Variants in TBL1XR1 observed in about 807,000 individuals in gnomAD.
TBL1XR1 encodes the protein TBL1X/Y related 1, also known as F-box-like/WD repeat-containing protein TBL1XR1.
In TBL1XR1, 5 loss-of-function variants were observed where a neutral mutation model predicts 66.9. That is an observed-to-expected ratio of 0.07 (90% CI 0.04 to 0.16). The LOEUF is 0.16. Ranked by LOEUF, TBL1XR1 falls within the 10% of genes least tolerant of loss-of-function variation. The pLI is 1.00. For missense variants in TBL1XR1, 238 were observed against 623.2 expected (o/e 0.38, Z 6.58); for synonymous variants, 210 against 206.0 (o/e 1.02, Z -0.17).
intron 12 of TBL1XR1, among the ~76,000 whole-genome samples, chr3:177,036,398 C>A (rs1576989048): frequency 6.6e-6 from 1 of 152,194 alleles, no homozygotes; most frequent in Non-Finnish European, 1.5e-5. Context: ...CAGAAAACGG[C>A]CCATTACACA....
rs913084024 is a variant in TBL1XR1 at position 177,034,451 on chromosome 3, T to C, written c.1123-126A>G. On this transcript the variant is annotated intron_variant, in intron 12 of 15. Transcript: ENST00000457928. ...ATGAGTGATATAACCAGAATGATGA[T>C]AGAATATTTACAAAGAAACTGAAAT... 4.6e-5 allele frequency: 26 copies of C among 566,402 alleles called. No individual in the cohort carries two copies. The South Asian group carries it at 1.1e-3, about 25-fold the overall frequency. The allele number at this position is 566,402 out of a possible 1,614,324, so 35.1% of individuals were successfully genotyped here.
intron 1 of TBL1XR1, among the ~76,000 whole-genome samples, chr3:177,115,652 C>G (rs1487849685): frequency 6.6e-6 from 1 of 152,104 alleles, no homozygotes. Context: ...GTCTACAGCC[C>G]AAATTGTTTT....
At chr3:177,070,319 T>C (rs1033445969) in intron 2 of TBL1XR1, among the ~76,000 whole-genome samples, 1 of 152,164 alleles carries the variant, frequency 6.6e-6, no homozygotes, top group African/African-American at 2.4e-5. Context: ...CTAAGATCCT[T>C]CTAAAACATA....
upstream of TBL1XR1, among the ~76,000 whole-genome samples, chr3:177,201,061 C>A (rs554628902): frequency 1.3e-5 from 2 of 151,888 alleles, no homozygotes; most frequent in Middle Eastern, 6.8e-3. Flanking sequence ...TGAAGAGAAA[C>A]CTCATACCAG....
chr3:177,069,891 T>C (rs1315437200), intron 2 of TBL1XR1, among the ~76,000 whole-genome samples: 1 of 152,004 alleles, frequency 6.6e-6, no homozygotes, highest in Non-Finnish European at 1.5e-5. Context: ...ATTAGTTAAC[T>C]GAGACTTCTA....
intron 1 of TBL1XR1, among the ~76,000 whole-genome samples, chr3:177,132,186 C>T (rs1398326174): frequency 6.6e-6 from 1 of 152,160 alleles, no homozygotes; most frequent in Non-Finnish European, 1.5e-5. Context: ...GCCATTAAGG[C>T]TGGTTATGTA....
intron 1 of TBL1XR1, among the ~76,000 whole-genome samples, chr3:177,146,112 T>TATTC (rs1730207884): frequency 6.6e-6 from 1 of 152,202 alleles, no homozygotes; most frequent in African/African-American, 2.4e-5. Context: ...GAAGAGCTGG[T>TATTC]ATTCATATGT....
chr3:177,184,461 G>C (rs940350202), intron 1 of TBL1XR1, among the ~76,000 whole-genome samples: 1 of 152,134 alleles, frequency 6.6e-6, no homozygotes, highest in Admixed American at 6.5e-5. Context: ...ACCTCCTAAA[G>C]TTTGCACTAA....
intron 1 of TBL1XR1, among the ~76,000 whole-genome samples, chr3:177,152,558 T>G (rs1731024389): frequency 6.6e-6 from 1 of 152,230 alleles, no homozygotes; most frequent in Admixed American, 6.5e-5. Flanking sequence ...ATGCTGGGAT[T>G]ACAGGCGTGA....
chr3:177,112,177 G>A (rs28729469), intron 1 of TBL1XR1, among the ~76,000 whole-genome samples: 6 of 135,932 alleles, frequency 4.4e-5, no homozygotes, highest in African/African-American at 8.2e-5. Context: ...GCACCACCTC[G>A]GCTCACTAAA....
At chr3:177,133,498 T>C (rs1728547506) in intron 1 of TBL1XR1, among the ~76,000 whole-genome samples, 1 of 152,298 alleles carries the variant, frequency 6.6e-6, no homozygotes, top group Non-Finnish European at 1.5e-5. Flanking sequence ...TTAACAGTCA[T>C]ACATATCTTC....
At chr3:177,082,738 TTATA>T (rs374510003) in intron 2 of TBL1XR1, among the ~76,000 whole-genome samples, 11,823 of 63,216 alleles carry the variant, frequency 0.19, 1,377 homozygotes, top group Admixed American at 0.34. Flanking sequence ...AAGATAGAGA[TTATA>T]TATATATATA....
At chr3:177,056,266 G>A (rs1717793863) in intron 3 of TBL1XR1, among the ~76,000 whole-genome samples, 1 of 152,208 alleles carries the variant, frequency 6.6e-6, no homozygotes, top group Non-Finnish European at 1.5e-5. Context: ...AGTCAAAATT[G>A]TTAAATTTGG....
At chr3:177,081,354 A>G (rs1303855823) in intron 2 of TBL1XR1, among the ~76,000 whole-genome samples, 1 of 152,248 alleles carries the variant, frequency 6.6e-6, no homozygotes, top group Non-Finnish European at 1.5e-5. Flanking sequence ...GGATATACAG[A>G]TAACTCTTTA....
At chr3:177,098,588 C>A (rs1723797304) in intron 1 of TBL1XR1, 47 bp from the exon 2 acceptor site, 2 of 943,192 alleles carry the variant, frequency 2.1e-6, no homozygotes, top group African/African-American at 3.5e-5. Context: ...AAAACAAATT[C>A]AGTTTAAAAG....
chr3:177,099,165 G>C (rs185075611), intron 1 of TBL1XR1, among the ~76,000 whole-genome samples: 1 of 152,078 alleles, frequency 6.6e-6, no homozygotes, highest in Non-Finnish European at 1.5e-5. Flanking sequence ...TCAGGAATTC[G>C]AGATCAGCCT....
chr3:177,136,481 C>A (rs558975120), intron 1 of TBL1XR1, among the ~76,000 whole-genome samples: 1 of 152,232 alleles, frequency 6.6e-6, no homozygotes, highest in East Asian at 1.9e-4. Flanking sequence ...GGTTTCACCA[C>A]GTTGGCCAGA....
At chr3:177,182,000 C>A (rs1251644436) in intron 1 of TBL1XR1, among the ~76,000 whole-genome samples, 2 of 152,160 alleles carry the variant, frequency 1.3e-5, no homozygotes, top group East Asian at 1.9e-4. Flanking sequence ...TTTCCCCTAG[C>A]AAGTTCTACA....
At chr3:177,096,269 A>T (rs1475527764) in intron 2 of TBL1XR1, among the ~76,000 whole-genome samples, 6 of 152,006 alleles carry the variant, frequency 3.9e-5, no homozygotes, top group Non-Finnish European at 8.8e-5. Flanking sequence ...GTCCTTAGCT[A>T]GACTGTAAGC....
Sources: gnomAD v4.1 joint callset for allele counts (sites outside exome capture counted in the v4.1 genomes callset) on GRCh38, gnomAD v4.1.1 for gene constraint, MANE v1.5 for transcripts, NCBI Gene and HGNC (gene_info 2026-07-23, HGNC 2026-07-21) for gene names.